THBS3: variants seen among roughly 807,000 people sequenced by gnomAD.
THBS3 encodes thrombospondin-3.
In THBS3, 78 loss-of-function variants were observed where a neutral mutation model predicts 118.3. The observed-to-expected ratio is 0.66, with a 90% CI of 0.55 to 0.80. The LOEUF (loss-of-function observed/expected upper bound fraction) is 0.80. Among genes scored for constraint, THBS3 ranks in the 30% least tolerant of loss-of-function variants. THBS3 has a pLI of 0.00. For missense variants in THBS3, 1,057 were observed against 1,247.4 expected, an observed-to-expected ratio of 0.85 and a Z score of 2.30; for synonymous variants, 427 against 475.3, an observed-to-expected ratio of 0.90 and a Z score of 1.32.
chr1:155,208,821 C>T, upstream of THBS3: 1 of 1,565,748 alleles, frequency 6.4e-7, no homozygotes, highest in Admixed American at 1.9e-5. Flanking sequence ...CTCGGGGGAC[C>T]CCCCCGCAGT....
chr1:155,201,702 T>C, intron 10 of THBS3, 133 bp from the exon 11 acceptor site: 2 of 1,106,792 alleles, frequency 1.8e-6, no homozygotes, highest in East Asian at 2.6e-5. Context: ...CTTTAGGTTA[T>C]CATGACAACC....
At position 155,202,770 on chromosome 1, in the gene THBS3, A is replaced by C; in HGVS notation, c.957+42T>G. ...CTCTTGGGTGCCTCCTGACATCCTC[A>C]CCCCAGTTTTCTGTACCCTTCTGGG... On this transcript the variant is annotated intron_variant, in intron 8 of 22. Coordinates refer to ENST00000368378, the MANE Select transcript of THBS3 (RefSeq NM_007112.5). The surrounding 1 kb of genome is among the most constrained non-coding windows in gnomAD (Gnocchi z 5.5). 1 of 1,572,976 alleles carries C rather than the reference A, an allele frequency of 6.4e-7. No individual in the cohort carries two copies. The highest frequency in any genetic ancestry group is 8.6e-7 in the Non-Finnish European group (1 of 1,158,442).
chr1:155,207,810 G>C lies in THBS3; in HGVS notation c.67C>G (p.Gln23Glu). ...GAGACAGGCTTACCCTGCAGATCCT[G>C]ACTGGCAGATGTGAAAAAGCAAAGG... is the stretch of plus-strand genomic sequence containing the variant. ...LLLCFFTSAS[Q>E]DLQVIDLLTV... Residue 23 changes from glutamine (Q) to glutamate (E), a missense_variant, in exon 1 of 23, where the codon CAG becomes GAG. By Grantham distance (29) the Gln-to-Glu change is conservative. This residue lies in a region of THBS3 where 206 missense variants were observed against 205.7 expected (regional missense o/e 1.00). Transcript: ENST00000368378. 2 of 1,614,046 alleles carry C rather than the reference G, an allele frequency of 1.2e-6. No individual in the cohort carries two copies. Among genetic ancestry groups the C allele is most frequent in the Middle Eastern group, 1.7e-4 (1 of 6,058 alleles).
intron 17 of THBS3, 32 bp downstream of exon 17, chr1:155,198,377 C>A: frequency 6.2e-7 from 1 of 1,603,154 alleles, no homozygotes. Flanking sequence ...AAGGCAACAC[C>A]AGTCTAACGT....
rs754408315 is a variant in THBS3 at position 155,200,119 on chromosome 1, A to G, written c.1709-6T>C. 6.5e-7 allele frequency: 1 copy of G among 1,542,158 alleles called. No homozygotes were observed. The highest frequency in any genetic ancestry group is 1.4e-5 in the African/African-American group (1 of 72,692). Reference sequence around the variant, plus strand: ...GTCCAATCCATTGGGGATGCCTAGAAGACATGGGTAGCACAAGGTTGTTAC... The same window carrying G: ...GTCCAATCCATTGGGGATGCCTAGAGGACATGGGTAGCACAAGGTTGTTAC... On this transcript the variant is annotated splice_polypyrimidine_tract_variant and splice_region_variant and intron_variant, in intron 14 of 22. Transcript: ENST00000368378.
In THBS3 at chr1:155,198,225, G is replaced by A. The variant is rs557096752; in HGVS notation, c.2075-5C>T. 1.7e-5 allele frequency: 28 copies of A among 1,613,622 alleles called. No homozygotes were observed. Among genetic ancestry groups the A allele is most frequent in the East Asian group, 1.6e-4 (7 of 44,874 alleles). On this transcript the variant is annotated splice_region_variant and splice_polypyrimidine_tract_variant and intron_variant, in intron 17 of 22. Coordinates refer to ENST00000368378, the MANE Select transcript of THBS3 (RefSeq NM_007112.5). ...ACACATCACCAACGCCATTGCCTGG[G>A]CAGAGTGAGGCTGGGTGCTCAGGAA...
In THBS3 at chr1:155,203,322, T is replaced by G; in HGVS notation, c.674-17A>C. On this transcript the variant is annotated splice_polypyrimidine_tract_variant and intron_variant, in intron 5 of 22. Transcript: ENST00000368378. ...TCTGCTCCCCTGTCGGGACCCAGGGTGTGAGGGGTTCAGTACTGGAGCACC... is the reference window on the plus strand; with the variant it reads ...TCTGCTCCCCTGTCGGGACCCAGGGGGTGAGGGGTTCAGTACTGGAGCACC... 1 of 1,613,368 alleles carries G rather than the reference T, an allele frequency of 6.2e-7. No homozygotes were observed. The highest frequency in any genetic ancestry group is 8.5e-7 in the Non-Finnish European group (1 of 1,179,740).
In THBS3 at chr1:155,206,663, AAAC is replaced by A. The variant is rs1417441247; in HGVS notation, c.80-260_80-258del. On this transcript the variant is annotated intron_variant, in intron 1 of 22. Transcript: ENST00000368378. The surrounding 1 kb of genome is among the most constrained non-coding windows in gnomAD (Gnocchi z 4.2). ...AACCCCGTGTCTACTAAAAATACAA[AAAC>A]AACAACAAAAAAGAAAAAAAAACCA... Among the ~76,000 whole-genome samples, 4 of 151,840 alleles carry A rather than the reference AAAC, an allele frequency of 2.6e-5. No individual in the cohort carries two copies. Among genetic ancestry groups the A allele is most frequent in the Admixed American group, 6.6e-5 (1 of 15,262 alleles).
chr1:155,201,705 T>G lies in THBS3; in HGVS notation c.1177-136A>C, dbSNP rs558378895. The G allele has an allele frequency of 3.7e-6, 4 of 1,095,444 alleles. No individual in the cohort carries two copies. In the East Asian group the frequency reaches 1.0e-4, roughly 28 times the overall value. 67.9% of individuals were successfully genotyped at this position (1,095,444 alleles called of 1,614,324 possible). On this transcript the variant is annotated intron_variant, in intron 10 of 22. Transcript: ENST00000368378. The stretch of plus-strand genomic sequence containing the variant: ...TATCAGTATCTCCTTTAGGTTATCA[T>G]GACAACCTTTCAGGGTGGATAACAG...
At chr1:155,208,060 G>A, upstream of THBS3, 2 of 590,546 alleles carry the variant, frequency 3.4e-6, no homozygotes, top group Non-Finnish European at 6.0e-6. Context: ...TGGGAACCAG[G>A]GGCACTGGGA....
chr1:155,199,976 C>A lies in THBS3; in HGVS notation c.1827+19G>T. On this transcript the variant is annotated intron_variant, in intron 15 of 22. Transcript: ENST00000368378. ...ATCAGTACCCTCATCCCTCCCCTGTCCTTACCATCTCCCTGTACCTGGGTA... is the reference window on the plus strand; with the variant it reads ...ATCAGTACCCTCATCCCTCCCCTGTACTTACCATCTCCCTGTACCTGGGTA... 6.2e-6 allele frequency: 10 copies of A among 1,601,922 alleles called. No individual in the cohort carries two copies. The highest frequency in any genetic ancestry group is 7.7e-6 in the Non-Finnish European group (9 of 1,173,188).
At chr1:155,201,655 G>C (rs566057854) in intron 10 of THBS3, 86 bp from the exon 11 acceptor site, 127 of 1,452,398 alleles carry the variant, frequency 8.7e-5, no homozygotes, top group Non-Finnish European at 1.2e-4. Flanking sequence ...CGGAGTGTGG[G>C]CTGGGCACTC....
intron 4 of THBS3, among the ~76,000 whole-genome samples, chr1:155,203,961 C>T (rs1670182223): frequency 1.3e-5 from 2 of 152,080 alleles, no homozygotes; most frequent in African/African-American, 4.8e-5. Flanking sequence ...CCTCCGCCTC[C>T]CAAGTAGCTG....
Position 155,202,128 on chromosome 1 carries a change from C to T in THBS3, c.1099-94G>A. The T allele has an allele frequency of 1.2e-6, 2 of 1,606,112 alleles. No homozygotes were observed. Among genetic ancestry groups the T allele is most frequent in the South Asian group, 1.1e-5 (1 of 90,226 alleles). On this transcript the variant is annotated intron_variant, in intron 9 of 22. Coordinates refer to ENST00000368378, the MANE Select transcript of THBS3 (RefSeq NM_007112.5). The surrounding 1 kb of genome is among the most constrained non-coding windows in gnomAD (Gnocchi z 5.5). ...GTATGGCCTTATCTGTGAACATCAACATTAAGCCCAGACCCAAAGCCGATG... is the reference window on the plus strand; with the variant it reads ...GTATGGCCTTATCTGTGAACATCAATATTAAGCCCAGACCCAAAGCCGATG...
intron 7 of THBS3, 50 bp downstream of exon 7, chr1:155,203,036 G>T (rs755124101): frequency 7.4e-6 from 12 of 1,614,020 alleles, no homozygotes; most frequent in Non-Finnish European, 9.3e-6. Flanking sequence ...AAGCCATTGG[G>T]TGGGGAACGT....
rs760791847 is a variant in THBS3 at position 155,197,745 on chromosome 1, T to A, written c.2303-86A>T. 2.5e-6 allele frequency: 4 copies of A among 1,590,352 alleles called. No individual in the cohort carries two copies. Among genetic ancestry groups the A allele is most frequent in the Non-Finnish European group, 3.4e-6 (4 of 1,160,988 alleles). On this transcript the variant is annotated intron_variant, in intron 19 of 22. Transcript: ENST00000368378. The surrounding 1 kb of genome is among the most constrained non-coding windows in gnomAD (Gnocchi z 5.0). ...TAAAGTTGGGAAGGGATGCCTGCTA[T>A]GTATGTGGCCAGCTTGTGCCACTGC...
At chr1:155,207,077 C>A (rs758560425) in intron 1 of THBS3, among the ~76,000 whole-genome samples, 37 of 152,176 alleles carry the variant, frequency 2.4e-4, no homozygotes, top group Non-Finnish European at 4.1e-4. Flanking sequence ...GTGTCCACAA[C>A]GTAGAAATGG....
Position 155,205,116 on chromosome 1 carries a change from C to T in THBS3, c.487G>A (p.Ala163Thr). Residue 163 changes from alanine (A) to threonine (T), a missense_variant, in exon 3 of 23, where the codon GCG becomes ACG. Ala to Thr is a moderately conservative substitution (Grantham distance 58). Around this residue, in one of 3 missense-constraint regions of THBS3, gnomAD observed 206 missense variants for 205.7 expected, o/e 1.00. Coordinates refer to ENST00000368378, the MANE Select transcript of THBS3 (RefSeq NM_007112.5). ...GLPALAPIPP[A>T]EVDGLEIRTG... ...CTAATCTCCAGCCCATCGACCTCCG[C>T]TGGAGGAATGGGGGCCAGTGCTGGA... 2 of 1,614,192 alleles carry T rather than the reference C, an allele frequency of 1.2e-6. No individual in the cohort carries two copies. The highest frequency in any genetic ancestry group is 2.2e-5 in the South Asian group (2 of 91,086).
chr1:155,205,384 C>A, intron 2 of THBS3, 68 bp from the exon 3 acceptor site: 1 of 1,577,036 alleles, frequency 6.3e-7, no homozygotes, highest in Non-Finnish European at 8.6e-7. Flanking sequence ...AGCCTTGGAT[C>A]AACTCTGCTA....
Sources: allele counts gnomAD v4.1 joint callset (sites outside exome capture counted in the v4.1 genomes callset), GRCh38; gene constraint gnomAD v4.1.1; regional missense constraint gnomAD v4.1.1; non-coding constraint Gnocchi (gnomAD v3.1); transcripts MANE v1.5; gene names NCBI Gene and HGNC (gene_info 2026-07-23, HGNC 2026-07-21).